APMAP: variants seen among roughly 807,000 people sequenced by gnomAD.
APMAP encodes the protein adipocyte plasma membrane-associated protein.
A neutral mutation model predicts 43.6 loss-of-function variants in APMAP; 33 were observed. The ratio of observed to expected loss-of-function variants is 0.76; its 90% CI spans 0.57 to 1.01. The LOEUF is 1.01. Among genes scored for constraint, APMAP ranks in the 50% least tolerant of loss-of-function variants. The pLI is 0.00. For synonymous variants in APMAP, 224 were observed against 216.7 expected (o/e 1.03, Z -0.30); for missense variants, 498 against 540.7 (o/e 0.92, Z 0.78).
chr20:24,971,988 T>A, intron 4 of APMAP, among the ~76,000 whole-genome samples: 1 of 144,802 alleles, frequency 6.9e-6, no homozygotes, highest in East Asian at 2.1e-4. Flanking sequence ...TACTGCAGGG[T>A]GTTCACTGTG....
chr20:24,983,250 C>T (rs2088119959), intron 2 of APMAP, among the ~76,000 whole-genome samples: 1 of 152,196 alleles, frequency 6.6e-6, no homozygotes, highest in Non-Finnish European at 1.5e-5. Context: ...CCTGGACTAA[C>T]TCATTTAAAA....
At chr20:24,968,822 A>G (rs940614514) in intron 8 of APMAP, 70 bp downstream of exon 8, 7 of 1,457,042 alleles carry the variant, frequency 4.8e-6, no homozygotes, top group East Asian at 4.6e-5. Context: ...TTTTTAAGCT[A>G]TAAGGGTCAA....
chr20:24,984,202 T>A (rs974192251), intron 1 of APMAP, among the ~76,000 whole-genome samples, 183 bp from the exon 2 acceptor site: 1 of 151,606 alleles, frequency 6.6e-6, no homozygotes, highest in African/African-American at 2.4e-5. Context: ...AACACACTTT[T>A]GTTGTTGTTC....
intron 3 of APMAP, chr20:24,974,080 T>C: frequency 5.4e-6 from 1 of 185,220 alleles, no homozygotes; most frequent in Non-Finnish European, 1.1e-5. Context: ...CATATTCACC[T>C]CACATCAGTG....
Position 24,992,680 on chromosome 20 carries a change from C to T in APMAP, c.9G>A (p.Glu3=). 6.5e-7 allele frequency: 1 copy of T among 1,532,640 alleles called. No individual in the cohort carries two copies. The highest frequency in any genetic ancestry group is 1.8e-4 in the Middle Eastern group (1 of 5,488). The allele number at this position is 1,532,640 out of a possible 1,614,324, so 94.9% of individuals were successfully genotyped here. A position where few individuals can be genotyped will look rare whatever the true frequency, so the allele number is the denominator to read the frequency against. ...GCCGGCGCTGTCGCAGCCCGTCCGC[C>T]TCGCTCATGGTACGGGCGCCAGCCT... The part of the protein sequence containing the change: MS[E]ADGLRQRRPL... The change falls in exon 1 of 9, where the codon GAG becomes GAA. Residue 3 remains glutamate, a synonymous_variant. Transcript: ENST00000217456.
chr20:24,979,671 A>G (rs2088083973), intron 2 of APMAP, among the ~76,000 whole-genome samples: 1 of 151,866 alleles, frequency 6.6e-6, no homozygotes, highest in Non-Finnish European at 1.5e-5. Context: ...CCTGTAGTCT[A>G]TTCTCAATCC....
intron 1 of APMAP, among the ~76,000 whole-genome samples, chr20:24,991,075 C>T (rs1350514145): frequency 6.6e-6 from 1 of 152,210 alleles, no homozygotes; most frequent in Non-Finnish European, 1.5e-5. Context: ...TTAAGTCTGC[C>T]TGCTTGCCCT....
intron 3 of APMAP, 37 bp from the exon 4 acceptor site, chr20:24,973,774 A>G: frequency 6.3e-7 from 1 of 1,589,744 alleles, no homozygotes; most frequent in Non-Finnish European, 8.6e-7. Context: ...GAGCAATGTT[A>G]GCCTAAGAAA....
intron 2 of APMAP, among the ~76,000 whole-genome samples, chr20:24,980,113 G>T (rs56189258): frequency 0.09 from 13,654 of 152,188 alleles, 696 homozygotes; most frequent in Middle Eastern, 0.12. Flanking sequence ...ATGAGATCAG[G>T]GATTTCTTTC....
At chr20:24,969,152 G>A (rs2087975106) in intron 7 of APMAP, 68 bp from the exon 8 acceptor site, 12 of 1,423,956 alleles carry the variant, frequency 8.4e-6, no homozygotes, top group African/African-American at 1.4e-5. Context: ...TTTTAGCCAA[G>A]CACCAAACTG....
chr20:24,974,885 T>TATC (rs1473105421), intron 3 of APMAP, among the ~76,000 whole-genome samples: 2 of 152,178 alleles, frequency 1.3e-5, no homozygotes, highest in African/African-American at 4.8e-5. Flanking sequence ...CAGAATCCAC[T>TATC]ATCACAGTTA....
chr20:24,992,373 G>C (rs1334163851), intron 1 of APMAP, among the ~76,000 whole-genome samples: 1 of 152,234 alleles, frequency 6.6e-6, no homozygotes, highest in East Asian at 1.9e-4. Context: ...ACTGGGCGCA[G>C]GGTGCACCCG....
At position 24,970,354 on chromosome 20, in the gene APMAP, G is replaced by T; in HGVS notation, c.556C>A (p.Leu186Met). 6.2e-7 allele frequency: 1 copy of T among 1,610,654 alleles called. No individual in the cohort carries two copies. Residue 186 changes from leucine (L) to methionine (M), a missense_variant, in exon 6 of 9, where the codon CTG (leucine) becomes ATG (methionine). By Grantham distance (15) the Leu-to-Met change is conservative. Coordinates refer to ENST00000217456, the MANE Select transcript of APMAP (RefSeq NM_020531.3). ...NPWKREVKLL[L>M]SSETPIEGKN... ...CCCTCAATGGGTGTCTCGGAGGACA[G>T]CAGCAGTTTCACTTCACCTGAAGTT...
chr20:24,978,782 T>C lies in APMAP; in HGVS notation c.313A>G (p.Ile105Val). The C allele has an allele frequency of 2.6e-6, 4 of 1,525,866 alleles. No homozygotes were observed. The highest frequency in any genetic ancestry group is 3.6e-6 in the Non-Finnish European group (4 of 1,121,486). The allele number at this position is 1,525,866 out of a possible 1,614,324, so 94.5% of individuals were successfully genotyped here. The stretch of plus-strand genomic sequence containing the variant: ...TTAGACTTACCCCCAATATGTGCTA[T>C]GGACTCCGGTCCAACAAGTTGATTT... ...FENQLVGPES[I>V]AHIGDVMFTG... is the part of the protein sequence containing the mutation. The change falls in exon 3 of 9, where the codon ATA becomes GTA. Residue 105 changes from isoleucine (I) to valine (V), a missense_variant. Transcript: ENST00000217456.
intron 3 of APMAP, among the ~76,000 whole-genome samples, chr20:24,977,208 T>TC (rs1180465250): frequency 6.6e-6 from 1 of 152,242 alleles, no homozygotes; most frequent in Non-Finnish European, 1.5e-5. Flanking sequence ...TGTGAGTACA[T>TC]CACTTGTAAC....
intron 1 of APMAP, 130 bp downstream of exon 1, chr20:24,992,464 G>A: frequency 1.5e-6 from 1 of 688,440 alleles, no homozygotes; most frequent in East Asian, 3.4e-5. Context: ...GGGATGAAAC[G>A]AGAGGACTCT....
chr20:24,975,160 T>C (rs1463456954), intron 3 of APMAP, among the ~76,000 whole-genome samples: 1 of 152,190 alleles, frequency 6.6e-6, no homozygotes, highest in African/African-American at 2.4e-5. Context: ...TTCAGTATCA[T>C]ACTTGAAGAC....
chr20:24,983,690 T>C (rs541411824), intron 2 of APMAP, among the ~76,000 whole-genome samples: 2 of 152,318 alleles, frequency 1.3e-5, no homozygotes, highest in African/African-American at 4.8e-5. Context: ...ATGCAGTTTT[T>C]TTAAAACAAT....
chr20:24,978,944 C>T (rs1463094190), intron 2 of APMAP, 62 bp from the exon 3 acceptor site: 13 of 1,301,270 alleles, frequency 1.0e-5, no homozygotes, highest in East Asian at 2.3e-5. Flanking sequence ...AAATGTGTAC[C>T]GAGCACCTGC....
Sources: allele counts gnomAD v4.1 joint callset (sites outside exome capture counted in the v4.1 genomes callset), GRCh38; gene constraint gnomAD v4.1.1; transcripts MANE v1.5; gene names NCBI Gene and HGNC (gene_info 2026-07-23, HGNC 2026-07-21).